Variants in GDPD5 observed in about 807,000 individuals in gnomAD.
GDPD5 encodes glycerophosphodiester phosphodiesterase 2.
GDPD5 carries 48 observed loss-of-function variants against 75.1 expected under a neutral mutation model. The ratio of observed to expected loss-of-function variants is 0.64; its 90% CI spans 0.51 to 0.81. GDPD5 has a LOEUF of 0.81. Among genes scored for constraint, GDPD5 ranks in the 40% least tolerant of loss-of-function variants. The pLI is 0.00. For synonymous variants in GDPD5, 336 were observed against 339.0 expected (o/e 0.99, Z 0.10); for missense variants, 706 against 822.6 (o/e 0.86, Z 1.73).
Position 75,443,260 on chromosome 11 carries a change from T to G in GDPD5, c.824A>C (p.His275Pro), listed in dbSNP as rs1320591673. The change falls in exon 11 of 17, where the codon CAT (histidine) becomes CCT (proline). Residue 275 changes from histidine to proline, a missense_variant. His to Pro is a moderately conservative substitution (Grantham distance 77). Coordinates refer to ENST00000336898, the MANE Select transcript of GDPD5 (RefSeq NM_030792.8). ...GGTGGTGCGCCGCAGGGTGGTGTCA[T>G]GCATGAGGAAGGGCACGCCGTCCAG... ...ISLDGVPFLMHDTTLRRTTNV... is the reference protein window; with the variant it reads ...ISLDGVPFLMPDTTLRRTTNV... 6.2e-7 allele frequency: 1 copy of G among 1,610,656 alleles called. No homozygotes were observed. Among genetic ancestry groups the G allele is most frequent in the South Asian group, 1.1e-5 (1 of 89,938 alleles).
chr11:75,485,574 G>T (rs888329286), intron 2 of GDPD5: 2 of 149,772 alleles, frequency 1.3e-5, no homozygotes, highest in African/African-American at 5.0e-5. Flanking sequence ...CACCCAAGAG[G>T]TTAGGTAATT....
intron 1 of GDPD5, among the ~76,000 whole-genome samples, chr11:75,509,870 G>C (rs1473101976): frequency 3.9e-5 from 6 of 152,186 alleles, no homozygotes; most frequent in African/African-American, 7.2e-5. Flanking sequence ...AGTAGAGACA[G>C]GGTTTCACCA....
intron 2 of GDPD5, among the ~76,000 whole-genome samples, chr11:75,489,178 T>G (rs182099653): frequency 1.0e-5 from 1 of 96,918 alleles, no homozygotes; most frequent in East Asian, 4.7e-4. Flanking sequence ...GAAAAAAAAA[T>G]TACAAAAAAA....
In GDPD5 at chr11:75,459,237, A is replaced by G. The variant is rs573929939; in HGVS notation, c.222-1451T>C. Among the ~76,000 whole-genome samples the G allele has an allele frequency of 2.0e-5, 3 of 152,356 alleles. No individual in the cohort carries two copies. The South Asian group carries it at 6.2e-4, about 32-fold the overall frequency. On this transcript the variant is annotated intron_variant, in intron 4 of 16. Transcript: ENST00000336898. ...TCTAATTCTTCACAATTATAAATTA[A>G]CATAAAAATGAAATTTTTATACATA...
intron 6 of GDPD5, 95 bp downstream of exon 6, chr11:75,456,662 T>A (rs891943614): frequency 8.2e-7 from 1 of 1,213,444 alleles, no homozygotes. Context: ...CTAACGGTGA[T>A]CCAGGGGAGG....
chr11:75,439,414 C>T (rs1258993887), intron 15 of GDPD5: 37 of 453,736 alleles, frequency 8.2e-5, no homozygotes, highest in Non-Finnish European at 1.5e-4. Flanking sequence ...GGACATGCGC[C>T]GATCAGAGCA....
intron 1 of GDPD5, among the ~76,000 whole-genome samples, chr11:75,496,756 C>CT (rs998616049): frequency 7.5e-5 from 10 of 132,870 alleles, no homozygotes; most frequent in African/African-American, 2.2e-4. Context: ...GACTATTTTT[C>CT]TTTTTTTTTC....
chr11:75,480,655 A>G (rs1949892406), intron 2 of GDPD5, among the ~76,000 whole-genome samples: 1 of 152,174 alleles, frequency 6.6e-6, no homozygotes, highest in South Asian at 2.1e-4. Flanking sequence ...TGACCCACTT[A>G]CCAAAGGACA....
At position 75,516,876 on chromosome 11, in the gene GDPD5, T is replaced by C. The variant is rs114630091; in HGVS notation, c.-145+8334A>G. On this transcript the variant is annotated intron_variant, in intron 1 of 16. Coordinates refer to ENST00000336898, the MANE Select transcript of GDPD5 (RefSeq NM_030792.8). ...CCAGGATCAACATAAGTTTTCTGTC[T>C]TCTGTATGGTAGACACGTTGGACAG... is the stretch of plus-strand genomic sequence containing the variant. Among the ~76,000 whole-genome samples, 461 of 152,346 alleles carry C rather than the reference T, an allele frequency of 3.0e-3. 3 individuals are homozygous for C. Among genetic ancestry groups the C allele is most frequent in the African/African-American group, 0.011 (445 of 41,568 alleles).
Position 75,520,890 on chromosome 11 carries a change from G to A in GDPD5, c.-145+4320C>T, listed in dbSNP as rs115978288. On this transcript the variant is annotated intron_variant, in intron 1 of 16. Coordinates refer to ENST00000336898, the MANE Select transcript of GDPD5 (RefSeq NM_030792.8). ...TGGCCCAGCCAGTTCCCAATCACAG[G>A]GTCTCCTCTGCCAGCTAATGACCAT... Among the ~76,000 whole-genome samples the A allele has an allele frequency of 4.5e-3, 684 of 152,326 alleles. 7 individuals carry two copies. The highest frequency in any genetic ancestry group is 0.016 in the African/African-American group (653 of 41,578).
chr11:75,508,597 G>A (rs1438842882), intron 1 of GDPD5, among the ~76,000 whole-genome samples: 5 of 152,152 alleles, frequency 3.3e-5, no homozygotes, highest in Admixed American at 2.0e-4. Flanking sequence ...GTAAATTGAC[G>A]TTTGTTCACT....
At chr11:75,511,544 T>A (rs568315175) in intron 1 of GDPD5, among the ~76,000 whole-genome samples, 3 of 152,138 alleles carry the variant, frequency 2.0e-5, no homozygotes, top group Admixed American at 1.3e-4. Context: ...TCCATTCCCA[T>A]GCCACGGGAC....
At chr11:75,468,022 A>G (rs7131340) in intron 3 of GDPD5, among the ~76,000 whole-genome samples, 4,389 of 152,252 alleles carry the variant, frequency 0.029, 89 homozygotes, top group Middle Eastern at 0.048. Flanking sequence ...GTCACAGAGC[A>G]CGACTGCAGC....
intron 1 of GDPD5, among the ~76,000 whole-genome samples, chr11:75,514,539 T>A (rs923632986): frequency 6.6e-6 from 1 of 152,106 alleles, no homozygotes; most frequent in Non-Finnish European, 1.5e-5. Flanking sequence ...GGAAGAACAG[T>A]GTGAAGAGTT....
chr11:75,448,536 C>T (rs139176051), intron 9 of GDPD5: 695 of 988,220 alleles, frequency 7.0e-4, no homozygotes, highest in Non-Finnish European at 7.8e-4. Flanking sequence ...TGGCAGAATG[C>T]GGCGCTGACT....
chr11:75,489,294 A>G (rs1055034285), intron 2 of GDPD5, among the ~76,000 whole-genome samples: 1 of 152,256 alleles, frequency 6.6e-6, no homozygotes, highest in Admixed American at 6.5e-5. Flanking sequence ...AATCTGGCAC[A>G]GGATACTAAT....
At chr11:75,460,817 A>C (rs980965075) in intron 4 of GDPD5, among the ~76,000 whole-genome samples, 6 of 152,100 alleles carry the variant, frequency 3.9e-5, no homozygotes, top group Non-Finnish European at 7.4e-5. Context: ...CAAGAAACTG[A>C]GGCGACAGGC....
chr11:75,493,746 C>G (rs1474815247), intron 1 of GDPD5, among the ~76,000 whole-genome samples: 1 of 152,132 alleles, frequency 6.6e-6, no homozygotes, highest in Non-Finnish European at 1.5e-5. Context: ...AGCCTTCCTC[C>G]CAGACAGCAG....
intron 3 of GDPD5, among the ~76,000 whole-genome samples, chr11:75,469,409 G>C (rs1476101090): frequency 6.6e-6 from 1 of 152,210 alleles, no homozygotes; most frequent in African/African-American, 2.4e-5. Context: ...AGTCACAGAG[G>C]AAGGAAGGGA....
Sources: allele counts gnomAD v4.1 joint callset (sites outside exome capture counted in the v4.1 genomes callset), GRCh38; gene constraint gnomAD v4.1.1; transcripts MANE v1.5; gene names NCBI Gene and HGNC (gene_info 2026-07-23, HGNC 2026-07-21).